Variants in EDEM3 observed in about 807,000 individuals in gnomAD.
The protein encoded by EDEM3 is ER degradation-enhancing alpha-mannosidase-like protein 3.
Under a neutral mutation model 110.2 loss-of-function variants are expected in EDEM3, and 60 were observed. That is an observed-to-expected ratio of 0.54 (90% CI 0.44 to 0.67). The LOEUF (loss-of-function observed/expected upper bound fraction) is 0.67. EDEM3 is among the 30% of genes least tolerant of loss of function. EDEM3 has a pLI of 0.00. For synonymous variants in EDEM3, 352 were observed against 382.9 expected, an observed-to-expected ratio of 0.92 and a Z score of 0.94; for missense variants, 996 against 1,121.0, an observed-to-expected ratio of 0.89 and a Z score of 1.59.
At chr1:184,723,521 T>C (rs184489832) in intron 8 of EDEM3, among the ~76,000 whole-genome samples, 233 of 152,194 alleles carry the variant, frequency 1.5e-3, no homozygotes, top group Admixed American at 2.7e-3. Flanking sequence ...CTACACCCTA[T>C]ACCTATAATG....
chr1:184,749,045 TAA>T (rs1358574695), intron 2 of EDEM3, among the ~76,000 whole-genome samples: 3 of 152,216 alleles, frequency 2.0e-5, no homozygotes, highest in Non-Finnish European at 4.4e-5. Flanking sequence ...TATTTAATCT[TAA>T]GTGAGCCCTA....
chr1:184,709,903 C>A (rs1389928624), intron 16 of EDEM3, among the ~76,000 whole-genome samples: 1 of 152,098 alleles, frequency 6.6e-6, no homozygotes, highest in Non-Finnish European at 1.5e-5. Flanking sequence ...GTTATAAAAA[C>A]TTTCAAAGTA....
intron 11 of EDEM3, 71 bp from the exon 12 acceptor site, chr1:184,717,694 A>G (rs1650631297): frequency 2.9e-6 from 3 of 1,035,418 alleles, no homozygotes; most frequent in South Asian, 4.0e-5. Context: ...AATATATAGA[A>G]TATATATAAA....
rs1650757797 is a variant in EDEM3 at position 184,719,533 on chromosome 1, T to C, written c.987A>G (p.Pro329=). The change falls in exon 10 of 20, where the codon CCA becomes CCG. Residue 329 remains proline, a synonymous_variant. Coordinates refer to ENST00000318130, the MANE Select transcript of EDEM3 (RefSeq NM_025191.4). ...GGATATGCACATCAAGTAGAAGAGG[T>C]GGCTGGCTAATATACCTCATTATGG... is the stretch of plus-strand genomic sequence containing the variant. ...YDAIMRYISQ[P]PLLLDVHIHK... is the part of the protein sequence containing the mutation. 6.2e-7 allele frequency: 1 copy of C among 1,613,944 alleles called. No individual in the cohort carries two copies. Among genetic ancestry groups the C allele is most frequent in the South Asian group, 1.1e-5 (1 of 91,062 alleles).
intron 11 of EDEM3, among the ~76,000 whole-genome samples, chr1:184,718,647 T>A (rs1343113142): frequency 9.2e-5 from 14 of 152,118 alleles, no homozygotes; most frequent in Non-Finnish European, 1.5e-5. Context: ...AGCAAGAATA[T>A]TTATTACTAA....
intron 13 of EDEM3, among the ~76,000 whole-genome samples, chr1:184,712,823 A>G (rs1650330199): frequency 6.6e-6 from 1 of 152,174 alleles, no homozygotes; most frequent in Admixed American, 6.6e-5. Flanking sequence ...GATACACTGA[A>G]TCTTGTGAAT....
intron 19 of EDEM3, among the ~76,000 whole-genome samples, chr1:184,699,467 G>A (rs1649501115): frequency 6.6e-6 from 1 of 151,898 alleles, no homozygotes; most frequent in Non-Finnish European, 1.5e-5. Context: ...GTCTTGGATG[G>A]AGAAGGGAAG....
At chr1:184,746,283 A>ATTAATAGAACCTTCTATTG (rs1652426958) in intron 2 of EDEM3, among the ~76,000 whole-genome samples, 1 of 152,012 alleles carries the variant, frequency 6.6e-6, no homozygotes, top group Non-Finnish European at 1.5e-5. Context: ...ACCTTCTATT[A>ATTAATAGAACCTTCTATTG]CATTAATAGA....
At chr1:184,745,277 G>A (rs1367551749) in intron 2 of EDEM3, among the ~76,000 whole-genome samples, 1 of 151,946 alleles carries the variant, frequency 6.6e-6, no homozygotes, top group African/African-American at 2.4e-5. Context: ...GAAAGCAAAG[G>A]CCAAGGAACA....
At chr1:184,733,855 T>G (rs368448838) in intron 5 of EDEM3, among the ~76,000 whole-genome samples, 1 of 150,158 alleles carries the variant, frequency 6.7e-6, no homozygotes, top group South Asian at 2.1e-4. Context: ...CCCAAGAGCA[T>G]TTCAAACTGT....
intron 2 of EDEM3, among the ~76,000 whole-genome samples, chr1:184,746,084 TG>T (rs896910831): frequency 1.3e-5 from 2 of 152,192 alleles, no homozygotes; most frequent in Non-Finnish European, 2.9e-5. Context: ...AAGCCATCTG[TG>T]CAATTCACTG....
chr1:184,723,566 T>C (rs1351701603), intron 8 of EDEM3, among the ~76,000 whole-genome samples, 185 bp downstream of exon 8: 3 of 152,036 alleles, frequency 2.0e-5, no homozygotes, highest in Non-Finnish European at 2.9e-5. Flanking sequence ...CTAAATCATG[T>C]AGAAGAAGTG....
chr1:184,752,840 A>G (rs1652839653), intron 1 of EDEM3, among the ~76,000 whole-genome samples: 1 of 152,202 alleles, frequency 6.6e-6, no homozygotes, highest in East Asian at 1.9e-4. Flanking sequence ...TGAACAAGTC[A>G]ACCTTGGGTC....
At chr1:184,734,161 T>C (rs1651692433) in intron 5 of EDEM3, among the ~76,000 whole-genome samples, 3 of 152,152 alleles carry the variant, frequency 2.0e-5, no homozygotes, top group South Asian at 4.1e-4. Context: ...CAGTATATCC[T>C]AAACTTTTCT....
intron 6 of EDEM3, among the ~76,000 whole-genome samples, chr1:184,727,186 G>A (rs1046256373): frequency 6.6e-6 from 1 of 152,178 alleles, no homozygotes; most frequent in Admixed American, 6.5e-5. Flanking sequence ...CAGCTACCTG[G>A]GAGGCTGAGG....
intron 19 of EDEM3, among the ~76,000 whole-genome samples, chr1:184,698,151 C>T (rs1464096588): frequency 6.6e-6 from 1 of 151,672 alleles, no homozygotes; most frequent in Non-Finnish European, 1.5e-5. Flanking sequence ...TAGGAAGAAA[C>T]ATGTACTCTC....
chr1:184,737,619 GGCATCATCAACGTCACC>G lies in EDEM3; in HGVS notation c.280_296del (p.Gly94LeufsTer10), dbSNP rs1651905040. 1 of 1,613,802 alleles carries G rather than the reference GGCATCATCAACGTCACC, an allele frequency of 6.2e-7. No individual in the cohort carries two copies. The highest frequency in any genetic ancestry group is 8.5e-7 in the Non-Finnish European group (1 of 1,179,868). On this transcript the variant is annotated frameshift_variant, in exon 3 of 20. Coordinates refer to ENST00000318130, the MANE Select transcript of EDEM3 (RefSeq NM_025191.4). LOFTEE classifies it high-confidence loss of function. ...CCTGTGTTAATACTCACTTTCCCAA[GGCATCATCAACGTCACC>G]GCGACTTGGCTCTTGGCCTCTAACT...
At chr1:184,702,260 G>A (rs1171299701) in intron 19 of EDEM3, among the ~76,000 whole-genome samples, 1 of 152,120 alleles carries the variant, frequency 6.6e-6, no homozygotes, top group Non-Finnish European at 1.5e-5. Context: ...ATTAAGACAT[G>A]CTATCTTGTT....
At position 184,745,455 on chromosome 1, in the gene EDEM3, T is replaced by G. The variant is rs1005686978; in HGVS notation, c.204+4092A>C. Among the ~76,000 whole-genome samples, 15 of 152,210 alleles carry G rather than the reference T, an allele frequency of 9.9e-5. No homozygotes were observed. In the East Asian group the frequency reaches 2.9e-3, roughly 29 times the overall value. ...AAACACCGAGTACAGAGTTTCAGAT[T>G]GGGAAGATGAAAAAATTTCTAGAGA... On this transcript the variant is annotated intron_variant, in intron 2 of 19. Coordinates refer to ENST00000318130, the MANE Select transcript of EDEM3 (RefSeq NM_025191.4).
Sources: allele counts gnomAD v4.1 joint callset (sites outside exome capture counted in the v4.1 genomes callset), GRCh38; gene constraint gnomAD v4.1.1; transcripts MANE v1.5; gene names NCBI Gene and HGNC (gene_info 2026-07-23, HGNC 2026-07-21).